The following SH3D19 variants were observed in gnomAD, a reference collection of about 807,000 sequenced individuals.
The protein encoded by SH3D19 is SH3 domain containing 19.
In SH3D19, 58 loss-of-function variants were observed where a neutral mutation model predicts 112.1. The ratio of observed to expected loss-of-function variants is 0.52; its 90% CI spans 0.42 to 0.64. SH3D19 has a LOEUF of 0.64. SH3D19 is among the 30% of genes least tolerant of loss of function. SH3D19 has a pLI of 0.00. For missense variants in SH3D19, 1,090 were observed against 1,263.4 expected, an observed-to-expected ratio of 0.86 and a Z score of 2.08; for synonymous variants, 391 against 448.5, an observed-to-expected ratio of 0.87 and a Z score of 1.62.
At chr4:151,304,512 G>T (rs1455223018) in intron 1 of SH3D19, among the ~76,000 whole-genome samples, 1 of 152,138 alleles carries the variant, frequency 6.6e-6, no homozygotes, top group Non-Finnish European at 1.5e-5. Context: ...TGACCTGTCT[G>T]GTTTCTCCCT....
At chr4:151,178,847 T>A (rs1216885851) in intron 4 of SH3D19, among the ~76,000 whole-genome samples, 1 of 152,194 alleles carries the variant, frequency 6.6e-6, no homozygotes, top group African/African-American at 2.4e-5. Context: ...TTCTGTCCAT[T>A]CTATTGTCCA....
intron 1 of SH3D19, among the ~76,000 whole-genome samples, chr4:151,240,961 C>G (rs559711399): frequency 4.0e-5 from 6 of 151,790 alleles, no homozygotes; most frequent in African/African-American, 1.5e-4. Context: ...GAAAAAGGAA[C>G]GAAGTACTGG....
At chr4:151,250,950 C>G (rs1049683462) in intron 1 of SH3D19, among the ~76,000 whole-genome samples, 1 of 152,174 alleles carries the variant, frequency 6.6e-6, no homozygotes, top group Non-Finnish European at 1.5e-5. Flanking sequence ...TCAAGTTTCA[C>G]GGGCTCTGGC....
chr4:151,315,510 T>C (rs970373538), intron 1 of SH3D19, among the ~76,000 whole-genome samples: 2 of 152,202 alleles, frequency 1.3e-5, no homozygotes, highest in Non-Finnish European at 2.9e-5. Context: ...TTTCTAATTA[T>C]ACAATGAAAT....
At chr4:151,131,192 C>T (rs1458058599) in intron 17 of SH3D19, among the ~76,000 whole-genome samples, 1 of 151,750 alleles carries the variant, frequency 6.6e-6, no homozygotes, top group Non-Finnish European at 1.5e-5. Flanking sequence ...AGGTTGTTTC[C>T]AATTTTTTCT....
intron 3 of SH3D19, among the ~76,000 whole-genome samples, chr4:151,181,285 G>T (rs1219435279): frequency 6.6e-6 from 1 of 152,036 alleles, no homozygotes; most frequent in Non-Finnish European, 1.5e-5. Context: ...ATTAACTTCT[G>T]CTTCTCTCTG....
chr4:151,151,183 ACTCCTGAC>A, intron 9 of SH3D19, among the ~76,000 whole-genome samples: 1 of 151,658 alleles, frequency 6.6e-6, no homozygotes. Context: ...ATGGTCTCAA[ACTCCTGAC>A]CTCAAGTGAT....
intron 1 of SH3D19, among the ~76,000 whole-genome samples, chr4:151,287,359 A>G (rs78963701): frequency 6.6e-6 from 1 of 151,470 alleles, no homozygotes; most frequent in Non-Finnish European, 1.5e-5. Flanking sequence ...AAAAAAAAAA[A>G]AAGAGGGAAC....
At position 151,315,731 on chromosome 4, in the gene SH3D19, C is replaced by T. The variant is rs564085077; in HGVS notation, c.112+9510G>A. ...ACTTGGGAGGCAGAGGCAAGAAGAT[C>T]CCTCGAGCCCAGGAGTCTGAGTACA... On this transcript the variant is annotated intron_variant, in intron 1 of 19. Transcript: ENST00000604030. Among the ~76,000 whole-genome samples the T allele has an allele frequency of 1.7e-3, 258 of 152,092 alleles. 1 individual carries two copies. The highest frequency in any genetic ancestry group is 6.0e-3 in the African/African-American group (248 of 41,460).
chr4:151,145,119 T>C (rs1027408511), intron 11 of SH3D19, among the ~76,000 whole-genome samples: 1 of 152,194 alleles, frequency 6.6e-6, no homozygotes, highest in African/African-American at 2.4e-5. Flanking sequence ...GATTCCTGGC[T>C]AGCAATTTAA....
At position 151,174,781 on chromosome 4, in the gene SH3D19, G is replaced by A. The variant is rs1197118722; in HGVS notation, c.1423C>T (p.Leu475=). 1 of 1,550,484 alleles carries A rather than the reference G, an allele frequency of 6.4e-7. No individual in the cohort carries two copies. The highest frequency in any genetic ancestry group is 1.3e-5 in the South Asian group (1 of 78,850). ...ATGTCCACCAAGGGCTTGCTCTGCA[G>A]AACTGGAACTGGGGGGTTGGCTGGG... The part of the protein sequence containing the change: ...GPPANPPVPV[L]QSKPLVDIDL... The change falls in exon 7 of 20, where the codon CTG becomes TTG. Residue 475 remains leucine (L), a synonymous_variant. Transcript: ENST00000604030.
intron 1 of SH3D19, among the ~76,000 whole-genome samples, chr4:151,286,184 G>GAAAAAAAAA (rs56850648): frequency 3.2e-3 from 279 of 86,316 alleles, no homozygotes; most frequent in Non-Finnish European, 4.1e-3. Flanking sequence ...CTGTCTTAAA[G>GAAAAAAAAA]AAAAAAAAAA....
At chr4:151,200,038 G>C (rs1308202901) in intron 2 of SH3D19, among the ~76,000 whole-genome samples, 2 of 152,108 alleles carry the variant, frequency 1.3e-5, no homozygotes, top group Non-Finnish European at 2.9e-5. Context: ...TCTGCCATAA[G>C]AGGAAACAGC....
At chr4:151,261,437 T>A (rs933116959) in intron 1 of SH3D19, 7 of 152,418 alleles carry the variant, frequency 4.6e-5, no homozygotes, top group African/African-American at 1.4e-4. Context: ...CAGTTTCTGT[T>A]AGCCCTGTTG....
At chr4:151,240,971 G>A (rs1374294851) in intron 1 of SH3D19, among the ~76,000 whole-genome samples, 1 of 152,030 alleles carries the variant, frequency 6.6e-6, no homozygotes, top group East Asian at 1.9e-4. Flanking sequence ...CGAAGTACTG[G>A]TCCATGCCAC....
At chr4:151,195,923 TAAA>T (rs564812901) in intron 2 of SH3D19, among the ~76,000 whole-genome samples, 1 of 127,782 alleles carries the variant, frequency 7.8e-6, no homozygotes. Flanking sequence ...GAGAAGTTCT[TAAA>T]AAAAAAAAAA....
chr4:151,277,353 A>G, intron 1 of SH3D19: 1 of 592,080 alleles, frequency 1.7e-6, no homozygotes, highest in Non-Finnish European at 2.5e-6. Context: ...GAAGGTCCTG[A>G]GAGGCTACTA....
At chr4:151,291,746 G>A (rs1371832855) in intron 1 of SH3D19, among the ~76,000 whole-genome samples, 2 of 152,158 alleles carry the variant, frequency 1.3e-5, no homozygotes, top group African/African-American at 4.8e-5. Flanking sequence ...AAATTAAATA[G>A]CTACTACAGA....
rs1751105772 is a variant in SH3D19, at chr4:151,133,223, C to T, written c.2500G>A (p.Val834Ile). Residue 834 changes from valine to isoleucine, a missense_variant, in exon 16 of 20, where the codon GTT (valine) becomes ATT (isoleucine). Transcript: ENST00000604030. The stretch of plus-strand genomic sequence containing the variant: ...TCTCCAATATATTCAAACCGAGCAA[C>T]ACATCTTGAGCCTCTGAATGAAGAA... Reference protein sequence around the residue: ...SSHCVKGSRCVARFEYIGEQK... With the variant: ...SSHCVKGSRCIARFEYIGEQK... 8 of 1,614,104 alleles carry T rather than the reference C, an allele frequency of 5.0e-6. No individual in the cohort carries two copies. The highest frequency in any genetic ancestry group is 3.3e-4 in the Middle Eastern group (2 of 6,062).
Sources: gnomAD v4.1 joint callset for allele counts (sites outside exome capture counted in the v4.1 genomes callset) on GRCh38, gnomAD v4.1.1 for gene constraint, MANE v1.5 for transcripts, NCBI Gene and HGNC (gene_info 2026-07-23, HGNC 2026-07-21) for gene names.